The following TNKS variants were observed in gnomAD, a reference collection of about 807,000 sequenced individuals.
TNKS encodes poly [ADP-ribose] polymerase tankyrase-1.
In TNKS, 72 loss-of-function variants were observed where a neutral mutation model predicts 135.8. That is an observed-to-expected ratio of 0.53 (90% CI 0.44 to 0.64). The LOEUF is 0.64. TNKS is among the 30% of genes least tolerant of loss of function. The pLI, the probability that TNKS is intolerant of heterozygous loss-of-function variation, is 0.00. For synonymous variants in TNKS, 849 were observed against 649.3 expected (o/e 1.31, Z -4.68); for missense variants, 1,769 against 1,674.0 (o/e 1.06, Z -0.99).
chr8:9,699,777 C>G (rs1326927839), intron 5 of TNKS, among the ~76,000 whole-genome samples: 1 of 152,180 alleles, frequency 6.6e-6, no homozygotes, highest in Non-Finnish European at 1.5e-5. Context: ...AGTTTGCTCT[C>G]TCTCTTCAGC....
chr8:9,670,282 C>G (rs1802215941), intron 3 of TNKS: 1 of 152,150 alleles, frequency 6.6e-6, no homozygotes, highest in Admixed American at 6.5e-5. Context: ...TGTTTCAAGT[C>G]TGTCTAAATA....
intron 1 of TNKS, among the ~76,000 whole-genome samples, chr8:9,573,261 G>C (rs1223145657): frequency 6.6e-6 from 1 of 152,196 alleles, no homozygotes; most frequent in Non-Finnish European, 1.5e-5. Context: ...GCAGCCTCCA[G>C]AGCCAGAATA....
At chr8:9,696,163 G>GC (rs1391258165) in intron 5 of TNKS, among the ~76,000 whole-genome samples, 1 of 152,132 alleles carries the variant, frequency 6.6e-6, no homozygotes, top group Non-Finnish European at 1.5e-5. Flanking sequence ...GACTGCATGA[G>GC]CTCACCAAAG....
At chr8:9,616,340 A>T (rs1434861977) in intron 3 of TNKS, among the ~76,000 whole-genome samples, 2 of 152,184 alleles carry the variant, frequency 1.3e-5, no homozygotes, top group African/African-American at 4.8e-5. Flanking sequence ...GTTTTCATTG[A>T]TCTGCATTCT....
chr8:9,756,921 T>A (rs539884143), intron 20 of TNKS, among the ~76,000 whole-genome samples: 2 of 152,210 alleles, frequency 1.3e-5, no homozygotes, highest in South Asian at 4.2e-4. Flanking sequence ...CATATTACTC[T>A]GCTGAAAAGA....
intron 3 of TNKS, among the ~76,000 whole-genome samples, chr8:9,657,654 GACCCCCCCATCTCCCTCCC>G: frequency 1.3e-5 from 1 of 77,300 alleles, no homozygotes; most frequent in Non-Finnish European, 2.7e-5. Flanking sequence ...TGGGGGGGCT[GACCCCCCCATCTCCCTCCC>G]GGACGGGGTG....
chr8:9,714,424 C>A (rs928819781), intron 11 of TNKS, among the ~76,000 whole-genome samples: 1 of 151,882 alleles, frequency 6.6e-6, no homozygotes, highest in African/African-American at 2.4e-5. Context: ...TGAATATGAG[C>A]CTTTTTTCCC....
chr8:9,601,173 C>T (rs1228603028), intron 2 of TNKS, among the ~76,000 whole-genome samples: 1 of 152,082 alleles, frequency 6.6e-6, no homozygotes, highest in African/African-American at 2.4e-5. Context: ...GTGGAAATCC[C>T]GTTTATTTCA....
At chr8:9,683,783 G>T (rs559282976) in intron 5 of TNKS, among the ~76,000 whole-genome samples, 1 of 151,962 alleles carries the variant, frequency 6.6e-6, no homozygotes, top group African/African-American at 2.4e-5. Flanking sequence ...TAGGTAATAT[G>T]TGAGAAGTTA....
chr8:9,611,621 A>G (rs977570503), intron 2 of TNKS, among the ~76,000 whole-genome samples: 1 of 152,234 alleles, frequency 6.6e-6, no homozygotes, highest in African/African-American at 2.4e-5. Context: ...TGAGTCTTAG[A>G]TGACACCACT....
At chr8:9,698,374 G>T (rs866255462) in intron 5 of TNKS, among the ~76,000 whole-genome samples, 5 of 98,764 alleles carry the variant, frequency 5.1e-5, no homozygotes, top group East Asian at 3.7e-4. Context: ...ATTTTAAAAT[G>T]AAAAAAAAAA....
chr8:9,606,764 G>C (rs1330418077), intron 2 of TNKS, among the ~76,000 whole-genome samples: 1 of 151,980 alleles, frequency 6.6e-6, no homozygotes, highest in Non-Finnish European at 1.5e-5. Flanking sequence ...TTATTCAGTA[G>C]TGGACATGGT....
At chr8:9,651,530 G>A (rs1801147373) in intron 3 of TNKS, among the ~76,000 whole-genome samples, 1 of 152,164 alleles carries the variant, frequency 6.6e-6, no homozygotes, top group Non-Finnish European at 1.5e-5. Context: ...GTAGGGTCTA[G>A]ACTTGTACTA....
chr8:9,769,362 A>G (rs1164876132), intron 25 of TNKS, among the ~76,000 whole-genome samples: 5 of 152,332 alleles, frequency 3.3e-5, no homozygotes, highest in African/African-American at 9.6e-5. Flanking sequence ...GGTTTCACCC[A>G]GACTATTATG....
At chr8:9,620,184 G>A (rs1585239584) in intron 3 of TNKS, among the ~76,000 whole-genome samples, 1 of 152,056 alleles carries the variant, frequency 6.6e-6, no homozygotes, top group South Asian at 2.1e-4. Context: ...TCCTGACCTC[G>A]TGATCCGCTG....
rs71201959 is a variant in TNKS, at chr8:9,649,878, C to CTTT, written c.995-30046_995-30044dup. Among the ~76,000 whole-genome samples, 50 of 83,356 alleles carry CTTT rather than the reference C, an allele frequency of 6.0e-4. 1 individual carries two copies. Among genetic ancestry groups the CTTT allele is most frequent in the African/African-American group, 2.5e-3 (46 of 18,774 alleles). The allele number at this position is 83,356 out of a possible 152,430, so 54.7% of individuals were successfully genotyped here. ...CACAGTTCTTTCTTTCTTTTCTTTTCTTTTTTTTTTTTTTTTTTTTTTTTT... is the reference window on the plus strand; with the variant it reads ...CACAGTTCTTTCTTTCTTTTCTTTTCTTTTTTTTTTTTTTTTTTTTTTTTTTTT... On this transcript the variant is annotated intron_variant, in intron 3 of 26. Transcript: ENST00000310430.
chr8:9,666,001 G>T (rs1309916201), intron 3 of TNKS, among the ~76,000 whole-genome samples: 1 of 151,514 alleles, frequency 6.6e-6, no homozygotes, highest in Non-Finnish European at 1.5e-5. Context: ...CCAAATAAAT[G>T]TGCAAAGTCA....
At chr8:9,579,805 G>A (rs1195485296) in intron 1 of TNKS, among the ~76,000 whole-genome samples, 2 of 152,214 alleles carry the variant, frequency 1.3e-5, no homozygotes, top group African/African-American at 4.8e-5. Context: ...TATGAATGTA[G>A]TGATGAGTTT....
rs775388553 is a variant in TNKS at position 9,720,522 on chromosome 8, A to C, written c.1898A>C (p.Glu633Ala). 1.9e-6 allele frequency: 3 copies of C among 1,613,804 alleles called. No homozygotes were observed. Among genetic ancestry groups the C allele is most frequent in the Admixed American group, 1.7e-5 (1 of 59,966 alleles). The change falls in exon 12 of 27, where the codon GAA (glutamate) becomes GCA (alanine). Residue 633 changes from glutamate (E) to alanine (A), a missense_variant. By Grantham distance (107) the Glu-to-Ala change is moderately radical (BLOSUM62 -1). Transcript: ENST00000310430. Reference protein sequence around the residue: ...QGFTAAQMGNEAVQQILSEST... With the variant: ...QGFTAAQMGNAAVQQILSEST... The stretch of plus-strand genomic sequence containing the variant: ...TTCACAGCAGCACAGATGGGCAATG[A>C]AGCAGTGCAGCAGATTCTGAGTGGT...
Sources: gnomAD v4.1 joint callset for allele counts (sites outside exome capture counted in the v4.1 genomes callset) on GRCh38, gnomAD v4.1.1 for gene constraint, MANE v1.5 for transcripts, NCBI Gene and HGNC (gene_info 2026-07-23, HGNC 2026-07-21) for gene names.